Variants in ABCB5 observed in about 807,000 individuals in gnomAD.
ABCB5 encodes the protein ATP-binding cassette sub-family B member 5.
In ABCB5, 155 loss-of-function variants were observed where a neutral mutation model predicts 144.2. The observed-to-expected ratio is 1.08, with a 90% confidence interval of 0.94 to 1.23. ABCB5 has a LOEUF of 1.23. Ranked by LOEUF, ABCB5 falls within the 50% of genes most tolerant of loss-of-function variation. The pLI is 0.00. For synonymous variants in ABCB5, 610 were observed against 528.6 expected (o/e 1.15, Z -2.11); for missense variants, 1,830 against 1,520.8 (o/e 1.20, Z -3.38).
intron 14 of ABCB5, among the ~76,000 whole-genome samples, chr7:20,664,139 C>T (rs1163083209): frequency 2.0e-5 from 3 of 151,906 alleles, no homozygotes; most frequent in African/African-American, 7.3e-5. Flanking sequence ...AGGAATTTGG[C>T]CTCTCAGAGT....
chr7:20,660,057 A>T (rs1784954285), intron 14 of ABCB5: 1 of 985,378 alleles, frequency 1.0e-6, no homozygotes, highest in Non-Finnish European at 1.2e-6. Flanking sequence ...TTGTGCCCGC[A>T]GTATTTTCAT....
intron 1 of ABCB5, among the ~76,000 whole-genome samples, chr7:20,620,546 A>C (rs967991515): frequency 2.2e-5 from 3 of 137,242 alleles, no homozygotes; most frequent in South Asian, 2.3e-4. Context: ...AACTTACTAT[A>C]AAAAAAAACC....
intron 5 of ABCB5, chr7:20,642,040 A>G (rs1418615115): frequency 6.6e-6 from 1 of 152,258 alleles, no homozygotes; most frequent in Non-Finnish European, 1.5e-5. Context: ...GGCCAGGGCG[A>G]TAGGTTCTTA....
intron 20 of ABCB5, among the ~76,000 whole-genome samples, chr7:20,705,440 A>G (rs1458839570): frequency 6.6e-6 from 1 of 152,206 alleles, no homozygotes; most frequent in Non-Finnish European, 1.5e-5. Flanking sequence ...TTTTCTTTTA[A>G]TTATTTTAAC....
chr7:20,667,303 G>C, intron 14 of ABCB5: 1 of 984,742 alleles, frequency 1.0e-6, no homozygotes, highest in Non-Finnish European at 1.2e-6. Flanking sequence ...AAATAAATAT[G>C]AGAAGAGATA....
intron 23 of ABCB5, among the ~76,000 whole-genome samples, chr7:20,737,157 T>TAA (rs112403845): frequency 7.0e-6 from 1 of 142,802 alleles, no homozygotes. Context: ...GACTCTGTCT[T>TAA]AAAAAAAAAA....
chr7:20,658,942 G>T, intron 14 of ABCB5: 1 of 1,121,550 alleles, frequency 8.9e-7, no homozygotes. Flanking sequence ...CATTCCAAGT[G>T]GTTTGCACTT....
In ABCB5 at chr7:20,651,623, T is replaced by C. The variant is rs143275965; in HGVS notation, c.1536T>C (p.Asn512=). The C allele has an allele frequency of 2.5e-4, 397 of 1,613,964 alleles. 2 individuals carry two copies. In the African/African-American group the frequency reaches 4.8e-3, roughly 19 times the overall value. ...NAYDFIMEFP[N]KFNTLVGEKG... is the part of the protein sequence containing the mutation. ...ATGATTTTATCATGGAGTTTCCTAATGTGAGTACACTGTGCAGCCTGTGTC... is the reference window on the plus strand; with the variant it reads ...ATGATTTTATCATGGAGTTTCCTAACGTGAGTACACTGTGCAGCCTGTGTC... Residue 512 remains asparagine, a splice_region_variant and synonymous_variant, in exon 13 of 28, where the codon AAT becomes AAC. Coordinates refer to ENST00000404938, the MANE Select transcript of ABCB5 (RefSeq NM_001163941.2).
chr7:20,704,517 C>G (rs1181838312), intron 19 of ABCB5, among the ~76,000 whole-genome samples: 1 of 152,098 alleles, frequency 6.6e-6, no homozygotes, highest in South Asian at 2.1e-4. Flanking sequence ...AGTCCAAGCT[C>G]TTGGGCTTAA....
chr7:20,672,327 GTT>G (rs550878419), intron 14 of ABCB5, among the ~76,000 whole-genome samples: 80 of 146,654 alleles, frequency 5.5e-4, no homozygotes, highest in Middle Eastern at 3.5e-3. Flanking sequence ...TAATTTATTA[GTT>G]TTTTTTTTTT....
In ABCB5 at chr7:20,668,498, C is replaced by T. The variant is rs1275317739; in HGVS notation, c.1707+9822C>T. ...ACCCTCTGCCTGGCAACCGCCCCGT[C>T]TGAGAAGTGAGGAGCCCCTCCGTCC... On this transcript the variant is annotated intron_variant, in intron 14 of 27. Transcript: ENST00000404938. Among the ~76,000 whole-genome samples, 25 of 152,020 alleles carry T rather than the reference C, an allele frequency of 1.6e-4. 1 individual carries two copies. The highest frequency in any genetic ancestry group is 4.8e-4 in the African/African-American group (20 of 41,486).
intron 14 of ABCB5, among the ~76,000 whole-genome samples, chr7:20,665,959 C>G (rs1785178236): frequency 1.3e-5 from 2 of 151,518 alleles, no homozygotes; most frequent in African/African-American, 4.9e-5. Context: ...CACCTAAGGT[C>G]AGGAGTTTGA....
intron 20 of ABCB5, among the ~76,000 whole-genome samples, chr7:20,718,733 GA>G (rs1391184908): frequency 6.6e-6 from 1 of 152,130 alleles, no homozygotes; most frequent in Non-Finnish European, 1.5e-5. Flanking sequence ...AAGAATGTAA[GA>G]GTATATACAC....
chr7:20,685,699 A>G lies in ABCB5; in HGVS notation c.1873A>G (p.Ile625Val). ...ACCTATATATTCTTCCTGTAAGGATATTAAAAAAGCTGATGAACAGATGGA... is the reference window on the plus strand; with the variant it reads ...ACCTATATATTCTTCCTGTAAGGATGTTAAAAAAGCTGATGAACAGATGGA... ...LYYSLVMSQD[I>V]KKADEQMESM... Residue 625 changes from isoleucine (I) to valine (V), a missense_variant, in exon 16 of 28, where the codon ATT (isoleucine) becomes GTT (valine). Coordinates refer to ENST00000404938, the MANE Select transcript of ABCB5 (RefSeq NM_001163941.2). 6.2e-7 allele frequency: 1 copy of G among 1,603,130 alleles called. No homozygotes were observed. The highest frequency in any genetic ancestry group is 1.1e-5 in the South Asian group (1 of 88,652).
chr7:20,642,016 A>G (rs1271279228), intron 5 of ABCB5: 1 of 152,162 alleles, frequency 6.6e-6, no homozygotes, highest in Non-Finnish European at 1.5e-5. Flanking sequence ...CCAGGCCCCC[A>G]TTCTTCTCAC....
intron 22 of ABCB5, 33 bp from the exon 23 acceptor site, chr7:20,728,282 G>T (rs1554289085): frequency 1.2e-6 from 2 of 1,607,068 alleles, no homozygotes; most frequent in Non-Finnish European, 1.7e-6. Flanking sequence ...TATAATTCAT[G>T]CCTCATTATT....
chr7:20,749,698 A>G (rs1562592993), intron 26 of ABCB5, among the ~76,000 whole-genome samples: 1 of 152,180 alleles, frequency 6.6e-6, no homozygotes, highest in Non-Finnish European at 1.5e-5. Context: ...ACAAATAATT[A>G]TAGTGCACAG....
At chr7:20,647,209 T>C in intron 9 of ABCB5, 2 of 913,362 alleles carry the variant, frequency 2.2e-6, no homozygotes, top group Non-Finnish European at 2.7e-6. Context: ...GGTTTATACA[T>C]GGTCAGCACA....
chr7:20,644,089 G>GTTT (rs11345008), intron 7 of ABCB5, among the ~76,000 whole-genome samples: 1 of 145,772 alleles, frequency 6.9e-6, no homozygotes, highest in Non-Finnish European at 1.5e-5. Flanking sequence ...TATATGTAAA[G>GTTT]TTTTTTTTTT....
Sources: allele counts gnomAD v4.1 joint callset (sites outside exome capture counted in the v4.1 genomes callset), GRCh38; gene constraint gnomAD v4.1.1; transcripts MANE v1.5; gene names NCBI Gene and HGNC (gene_info 2026-07-23, HGNC 2026-07-21).